Variants in RALY observed in about 807,000 individuals in gnomAD.
RALY encodes the protein RNA-binding protein Raly.
RALY carries 15 observed loss-of-function variants against 30.7 expected under a neutral mutation model. The ratio of observed to expected loss-of-function variants is 0.49; its 90% CI spans 0.33 to 0.75. RALY has a LOEUF of 0.75. Among genes scored for constraint, RALY ranks in the 30% least tolerant of loss-of-function variants. The pLI is 0.02. For missense variants in RALY, 339 were observed against 414.3 expected (o/e 0.82, Z 1.58); for synonymous variants, 177 against 170.8 (o/e 1.04, Z -0.28).
intron 9 of RALY, 70 bp downstream of exon 9, chr20:34,078,623 G>T: frequency 7.1e-7 from 1 of 1,402,482 alleles, no homozygotes. Context: ...CTTTTCCCTG[G>T]ATTGGGCAGG....
chr20:34,043,444 A>C (rs1326487604), intron 2 of RALY, among the ~76,000 whole-genome samples: 2 of 152,152 alleles, frequency 1.3e-5, no homozygotes, highest in African/African-American at 4.8e-5. Context: ...TTTAATTATC[A>C]ACTCACTTGC....
At chr20:34,037,154 GC>G (rs1008769547) in intron 2 of RALY, among the ~76,000 whole-genome samples, 14 of 152,128 alleles carry the variant, frequency 9.2e-5, no homozygotes, top group African/African-American at 3.1e-4. Context: ...TTCAGAGGGG[GC>G]CTGATTCAGA....
intron 2 of RALY, among the ~76,000 whole-genome samples, chr20:34,048,601 A>C (rs2032965924): frequency 6.6e-6 from 1 of 152,184 alleles, no homozygotes; most frequent in Admixed American, 6.5e-5. Context: ...TCACGCCTGT[A>C]ATCCCAGCAC....
At chr20:34,040,919 G>T (rs1488666218) in intron 2 of RALY, among the ~76,000 whole-genome samples, 1 of 152,166 alleles carries the variant, frequency 6.6e-6, no homozygotes, top group East Asian at 1.9e-4. Context: ...TTCCAGGAGG[G>T]TAGAGTGTTT....
At chr20:34,064,255 G>A (rs1450530350) in intron 2 of RALY, among the ~76,000 whole-genome samples, 1 of 152,146 alleles carries the variant, frequency 6.6e-6, no homozygotes, top group East Asian at 1.9e-4. Context: ...GCTTGTCGCA[G>A]ATGGTAAGCC....
intron 2 of RALY, among the ~76,000 whole-genome samples, chr20:34,035,349 TATC>T (rs1356583158): frequency 6.6e-6 from 1 of 152,060 alleles, no homozygotes; most frequent in African/African-American, 2.4e-5. Flanking sequence ...TACTATATAT[TATC>T]AGGCACTATA....
chr20:34,022,948 T>C (rs900380054), intron 1 of RALY, among the ~76,000 whole-genome samples: 3 of 152,186 alleles, frequency 2.0e-5, no homozygotes, highest in African/African-American at 7.2e-5. Context: ...TGCTTGAAAT[T>C]CACTACCTTC....
At chr20:34,035,169 A>AAC (rs2032440518) in intron 2 of RALY, among the ~76,000 whole-genome samples, 1 of 119,992 alleles carries the variant, frequency 8.3e-6, no homozygotes, top group Non-Finnish European at 1.5e-5. Context: ...AAAAAAAAAA[A>AAC]AAAAAAAAAA....
Position 34,080,337 on chromosome 20 carries a change from A to C in RALY, c.*432A>C, listed in dbSNP as rs1568704308. 1 of 152,244 alleles carries C rather than the reference A, an allele frequency of 6.6e-6. No individual in the cohort carries two copies. The highest frequency in any genetic ancestry group is 1.5e-5 in the Non-Finnish European group (1 of 68,076). The allele number at this position is 152,244 out of a possible 1,614,324, so 9.4% of individuals were successfully genotyped here. On this transcript the variant is annotated 3_prime_UTR_variant, in exon 10 of 10. Coordinates refer to ENST00000246194, the MANE Select transcript of RALY (RefSeq NM_016732.3). ...CCTCTGCCAACCAAAAAGCTGGTCT[A>C]GGGTGCCTAATACTGATCCATCTGG...
In RALY at chr20:34,084,515, G is replaced by A. The variant is rs2034073753; in HGVS notation, c.*4610G>A. On this transcript the variant is annotated 3_prime_UTR_variant, in exon 10 of 10. Transcript: ENST00000246194. ...ATGAGGTTTAAAAGCATGGCCCCAA[G>A]TAAAGGTGGCATCTCTATCCTATCC... 6.6e-6 allele frequency: 1 copy of A among 152,242 alleles called. No individual in the cohort carries two copies. The highest frequency in any genetic ancestry group is 1.5e-5 in the Non-Finnish European group (1 of 68,056). The allele number at this position is 152,242 out of a possible 1,614,324, so 9.4% of individuals were successfully genotyped here.
At chr20:34,063,567 C>A (rs1482348062) in intron 2 of RALY, among the ~76,000 whole-genome samples, 1 of 152,182 alleles carries the variant, frequency 6.6e-6, no homozygotes, top group Non-Finnish European at 1.5e-5. Context: ...AACTCAGTGC[C>A]TGGTATAAAG....
intron 2 of RALY, among the ~76,000 whole-genome samples, chr20:34,063,530 A>T (rs2033478095): frequency 6.6e-6 from 1 of 152,222 alleles, no homozygotes; most frequent in Non-Finnish European, 1.5e-5. Context: ...GATCAGGATT[A>T]CAAGAGATTA....
intron 1 of RALY, among the ~76,000 whole-genome samples, chr20:34,003,639 T>TC (rs2031023802): frequency 7.0e-6 from 1 of 142,582 alleles, no homozygotes; most frequent in Admixed American, 6.9e-5. Flanking sequence ...AAACAGTTTT[T>TC]TTTTTTTTTT....
At chr20:34,076,382 G>T (rs2033878052) in intron 6 of RALY, among the ~76,000 whole-genome samples, 1 of 152,182 alleles carries the variant, frequency 6.6e-6, no homozygotes, top group Non-Finnish European at 1.5e-5. Context: ...CAGGAATTCA[G>T]ATTCCAAAAG....
intron 2 of RALY, among the ~76,000 whole-genome samples, chr20:34,049,759 A>AG (rs928607435): frequency 6.6e-6 from 1 of 152,210 alleles, no homozygotes; most frequent in Non-Finnish European, 1.5e-5. Flanking sequence ...GGAAACTGAG[A>AG]GAGGTTGAGG....
At chr20:34,056,702 C>A (rs1407626869) in intron 2 of RALY, among the ~76,000 whole-genome samples, 1 of 152,120 alleles carries the variant, frequency 6.6e-6, no homozygotes, top group African/African-American at 2.4e-5. Flanking sequence ...TACATGAAAA[C>A]AGTAATGAGG....
intron 2 of RALY, among the ~76,000 whole-genome samples, chr20:34,056,770 T>TGGTA (rs1431156216): frequency 6.6e-6 from 1 of 152,154 alleles, no homozygotes; most frequent in Non-Finnish European, 1.5e-5. Context: ...CTGCCCAATA[T>TGGTA]GGTAATACAT....
intron 1 of RALY, among the ~76,000 whole-genome samples, chr20:34,013,763 G>A (rs1335422527): frequency 2.6e-5 from 4 of 152,200 alleles, no homozygotes; most frequent in Non-Finnish European, 2.9e-5. Flanking sequence ...GATCGAGACA[G>A]TATAGGCCAG....
intron 1 of RALY, among the ~76,000 whole-genome samples, chr20:33,996,861 A>G (rs1257402392): frequency 1.3e-5 from 2 of 152,150 alleles, no homozygotes; most frequent in African/African-American, 4.8e-5. Context: ...AACCTCATGT[A>G]AGTGGAATCA....
Sources: allele counts gnomAD v4.1 joint callset (sites outside exome capture counted in the v4.1 genomes callset), GRCh38; gene constraint gnomAD v4.1.1; transcripts MANE v1.5; gene names NCBI Gene and HGNC (gene_info 2026-07-23, HGNC 2026-07-21).